PITPNM1: variants seen among roughly 807,000 people sequenced by gnomAD.
PITPNM1 encodes the protein membrane-associated phosphatidylinositol transfer protein 1.
A neutral mutation model predicts 133.3 loss-of-function variants in PITPNM1; 74 were observed. That is an observed-to-expected ratio of 0.56 (90% CI 0.46 to 0.67). PITPNM1 has a LOEUF of 0.67. Ranked by LOEUF, PITPNM1 falls within the 30% of genes least tolerant of loss-of-function variation. The pLI is 0.00. For missense variants in PITPNM1, 1,398 were observed against 1,739.5 expected, an observed-to-expected ratio of 0.80 and a Z score of 3.49; for synonymous variants, 738 against 741.4, an observed-to-expected ratio of 1.00 and a Z score of 0.08.
Position 67,502,798 on chromosome 11 carries a change from C to T in PITPNM1, c.79-80G>A. On this transcript the variant is annotated intron_variant, in intron 2 of 23. Coordinates refer to ENST00000356404, the MANE Select transcript of PITPNM1 (RefSeq NM_004910.3). The surrounding 1 kb of genome is among the most constrained non-coding windows in gnomAD (Gnocchi z 5.9). ...ATCCCCAGCTCAGCCTGGTGTTCTA[C>T]ACAGCTCTGGGGCCCTGGTCCCAGC... 2 of 1,425,822 alleles carry T rather than the reference C, an allele frequency of 1.4e-6. 1 individual carries two copies. The highest frequency in any genetic ancestry group is 2.0e-6 in the Non-Finnish European group (2 of 1,024,732). 88.3% of individuals were successfully genotyped at this position (1,425,822 alleles called of 1,614,324 possible).
chr11:67,500,366 C>T lies in PITPNM1; in HGVS notation c.696G>A (p.Glu232=), dbSNP rs769896000. ...AHRQAWCWQD[E]WTELSMADIR... The stretch of plus-strand genomic sequence containing the variant: ...TGTCAGCCATGCTCAGCTCTGTCCA[C>T]TCATCCTGCCAGCACCAGGCCTGGC... Residue 232 remains glutamate (E), a synonymous_variant, in exon 6 of 24, where the codon GAG becomes GAA. Transcript: ENST00000356404. 4.3e-6 allele frequency: 7 copies of T among 1,612,144 alleles called. No individual in the cohort carries two copies. In the South Asian group the frequency reaches 7.7e-5, roughly 18 times the overall value.
chr11:67,500,580 G>A (rs1476029626), intron 5 of PITPNM1, among the ~76,000 whole-genome samples, 159 bp from the exon 6 acceptor site: 9 of 152,186 alleles, frequency 5.9e-5, no homozygotes, highest in Admixed American at 5.2e-4. Context: ...AATGGGAGTG[G>A]AAAGTGGGGC....
At position 67,502,510 on chromosome 11, in the gene PITPNM1, C is replaced by T. The variant is rs745443627; in HGVS notation, c.287G>A (p.Arg96Gln). Residue 96 changes from arginine (R) to glutamine (Q), a missense_variant, in exon 3 of 24, where the codon CGA becomes CAA. Transcript: ENST00000356404. This position sits in a 1 kb window ranked among gnomAD's most constrained non-coding sequence, Gnocchi z 5.9. ...EESWNAYPYTRTRYTCPFVEK... is the reference protein window; with the variant it reads ...EESWNAYPYTQTRYTCPFVEK... ...GCCCAGCTCACCCACTCACCGGGTTCGGGTGTAGGGGTAGGCATTCCAGGA... is the reference window on the plus strand; with the variant it reads ...GCCCAGCTCACCCACTCACCGGGTTTGGGTGTAGGGGTAGGCATTCCAGGA... 3.7e-6 allele frequency: 6 copies of T among 1,613,734 alleles called. No homozygotes were observed. The highest frequency in any genetic ancestry group is 4.2e-6 in the Non-Finnish European group (5 of 1,180,006).
In PITPNM1 at chr11:67,492,911, C is replaced by T. The variant is rs1280432915; in HGVS notation, c.3471+23G>A. 7 of 1,608,298 alleles carry T rather than the reference C, an allele frequency of 4.4e-6. No individual in the cohort carries two copies. In the African/African-American group the frequency reaches 8.0e-5, roughly 18 times the overall value. On this transcript the variant is annotated intron_variant, in intron 23 of 23. Coordinates refer to ENST00000356404, the MANE Select transcript of PITPNM1 (RefSeq NM_004910.3). Reference sequence around the variant, plus strand: ...CCCTGCCCCCTGGTGGGGTCCTGTTCCTGGCCTTCACTTGGGCCTCACCTG... The same window carrying T: ...CCCTGCCCCCTGGTGGGGTCCTGTTTCTGGCCTTCACTTGGGCCTCACCTG...
chr11:67,494,202 A>G (rs1255689052), intron 19 of PITPNM1, 42 bp downstream of exon 19: 1 of 1,587,248 alleles, frequency 6.3e-7, no homozygotes, highest in African/African-American at 1.3e-5. Context: ...AGGACAGGAG[A>G]TGGGGCCATG....
chr11:67,494,783 G>T, intron 18 of PITPNM1, 63 bp downstream of exon 18: 1 of 433,614 alleles, frequency 2.3e-6, no homozygotes, highest in Non-Finnish European at 3.8e-6. Context: ...GAGGGGCGGG[G>T]CCTCTCTGGT....
intron 23 of PITPNM1, among the ~76,000 whole-genome samples, 168 bp downstream of exon 23, chr11:67,492,766 G>T (rs1865973092): frequency 3.3e-5 from 5 of 152,258 alleles, no homozygotes. Context: ...TTGCCTGGCA[G>T]CTGGCAGCTC....
Position 67,498,323 on chromosome 11 carries a change from C to G in PITPNM1, c.1485-1G>C. 6.4e-7 allele frequency: 1 copy of G among 1,563,802 alleles called. No individual in the cohort carries two copies. Among genetic ancestry groups the G allele is most frequent in the Non-Finnish European group, 8.7e-7 (1 of 1,153,372 alleles). On this transcript the variant is annotated splice_acceptor_variant, in intron 10 of 23. Transcript: ENST00000356404. LOFTEE classifies it high-confidence loss of function. The surrounding 1 kb of genome is among the most constrained non-coding windows in gnomAD (Gnocchi z 5.7). ...CCCATCGTGGCTGTAAGGGCTCAGG[C>G]TGTAGGAGGGGGAAATGTGCGTGGG... is the stretch of plus-strand genomic sequence containing the variant.
Position 67,502,350 on chromosome 11 carries a change from C to G in PITPNM1, c.357G>C (p.Gly119=), listed in dbSNP as rs779121237. ...IEIETYYLPD[G]GQQPNVFNLS... ...GGTTGAAGACGTTTGGCTGCTGCCC[C>G]CCATCAGGCAGGTAATAGGTCTCAA... The change falls in exon 4 of 24, where the codon GGG becomes GGC. Residue 119 remains glycine, a synonymous_variant. Transcript: ENST00000356404. The surrounding 1 kb of genome is among the most constrained non-coding windows in gnomAD (Gnocchi z 5.9). 6.2e-7 allele frequency: 1 copy of G among 1,613,752 alleles called. No individual in the cohort carries two copies. The highest frequency in any genetic ancestry group is 8.5e-7 in the Non-Finnish European group (1 of 1,180,016).
At position 67,504,993 on chromosome 11, in the gene PITPNM1, G is replaced by A. The variant is rs1333228319; in HGVS notation, c.-42+195C>T. On this transcript the variant is annotated intron_variant, in intron 1 of 23. Transcript: ENST00000356404. The surrounding 1 kb of genome is among the most constrained non-coding windows in gnomAD (Gnocchi z 5.4). ...AGAGTGGCTCCACTTGGTATCCCAC[G>A]GGCCATGGCCCTGGAGACCCGCTCC... 2 of 152,306 alleles carry A rather than the reference G, an allele frequency of 1.3e-5. No individual in the cohort carries two copies. The highest frequency in any genetic ancestry group is 2.9e-5 in the Non-Finnish European group (2 of 68,146). The allele number at this position is 152,306 out of a possible 1,614,324, so 9.4% of individuals were successfully genotyped here. A position where few individuals can be genotyped will look rare whatever the true frequency, so the allele number is the denominator to read the frequency against.
chr11:67,497,872 G>T, intron 12 of PITPNM1, 45 bp downstream of exon 12: 1 of 1,571,724 alleles, frequency 6.4e-7, no homozygotes. Context: ...TAGAGCCAGA[G>T]AGGGCCTTTC....
In PITPNM1 at chr11:67,494,940, C is replaced by A. The variant is rs144939807; in HGVS notation, c.2648G>T (p.Arg883Leu). The stretch of plus-strand genomic sequence containing the variant: ...CTCCTCGCATTCCGCCAGCTGTGGC[C>A]GCTCCTTCTCGATCACCTGCACGGG... ...FILRQVIEKERPQLAECEEPS... is the reference protein window; with the variant it reads ...FILRQVIEKELPQLAECEEPS... The change falls in exon 18 of 24, where the codon CGG (arginine) becomes CTG (leucine). Residue 883 changes from arginine (R) to leucine (L), a missense_variant. Arg to Leu is a moderately radical substitution (Grantham distance 102). Coordinates refer to ENST00000356404, the MANE Select transcript of PITPNM1 (RefSeq NM_004910.3). 5 of 1,612,648 alleles carry A rather than the reference C, an allele frequency of 3.1e-6. No individual in the cohort carries two copies. The highest frequency in any genetic ancestry group is 3.4e-6 in the Non-Finnish European group (4 of 1,179,766).
intron 12 of PITPNM1, 68 bp from the exon 13 acceptor site, chr11:67,497,747 T>G (rs1866176263): frequency 6.3e-7 from 1 of 1,583,652 alleles, no homozygotes. Flanking sequence ...TACTTAGAAG[T>G]GAGGAGCGAG....
In PITPNM1 at chr11:67,503,101, G is replaced by A. The variant is rs114866985; in HGVS notation, c.79-383C>T. On this transcript the variant is annotated intron_variant, in intron 2 of 23. Coordinates refer to ENST00000356404, the MANE Select transcript of PITPNM1 (RefSeq NM_004910.3). The stretch of plus-strand genomic sequence containing the variant: ...CAAATTATGTGGTGTGTTAGAAGGC[G>A]CTAGGTGCTATAGGAAAAGAAAGCC... Among the ~76,000 whole-genome samples, 1,476 of 152,364 alleles carry A rather than the reference G, an allele frequency of 9.7e-3. 22 individuals are homozygous for A. Among genetic ancestry groups the A allele is most frequent in the African/African-American group, 0.033 (1,384 of 41,586 alleles).
chr11:67,497,136 T>C, intron 14 of PITPNM1, 95 bp downstream of exon 14: 1 of 1,038,908 alleles, frequency 9.6e-7, no homozygotes, highest in South Asian at 1.8e-5. Flanking sequence ...AGTGGGGAAG[T>C]TGCTCATGCC....
At position 67,493,602 on chromosome 11, in the gene PITPNM1, C is replaced by CG; in HGVS notation, c.3159-10dup. 2 of 1,544,512 alleles carry CG rather than the reference C, an allele frequency of 1.3e-6. No individual in the cohort carries two copies. The highest frequency in any genetic ancestry group is 1.7e-6 in the Non-Finnish European group (2 of 1,143,604). On this transcript the variant is annotated splice_polypyrimidine_tract_variant and intron_variant, in intron 21 of 23. Coordinates refer to ENST00000356404, the MANE Select transcript of PITPNM1 (RefSeq NM_004910.3). ...CGGAGTCCTGCCAGTGCCTGTGGGG[C>CG]GGGGGCAGCGGTCAGCTCCGCTGGC...
At chr11:67,505,679 ACT>A (rs1430507302), upstream of PITPNM1, among the ~76,000 whole-genome samples, 1 of 150,918 alleles carries the variant, frequency 6.6e-6, no homozygotes, top group Non-Finnish European at 1.5e-5. The surrounding 1 kb of genome is among the most constrained non-coding windows in gnomAD (Gnocchi z 5.8). Context: ...TCCTCTTCTC[ACT>A]CTCTGCAGTC....
At chr11:67,492,428 C>A in intron 23 of PITPNM1, 132 bp from the exon 24 acceptor site, 1 of 923,768 alleles carries the variant, frequency 1.1e-6, no homozygotes, top group South Asian at 1.8e-5. Context: ...GAGCTGAAGC[C>A]TTCTCAATAG....
At position 67,502,654 on chromosome 11, in the gene PITPNM1, T is replaced by C; in HGVS notation, c.143A>G (p.Tyr48Cys). Reference protein sequence around the residue: ...SGVEILANRPYTDGPGGSGQY... With the variant: ...SGVEILANRPCTDGPGGSGQY... ...CCCGCTGCCCCCGGGCCCATCCGTGTAGGGCCGGTTGGCCAGGATCTCCAC... is the reference window on the plus strand; with the variant it reads ...CCCGCTGCCCCCGGGCCCATCCGTGCAGGGCCGGTTGGCCAGGATCTCCAC... The change falls in exon 3 of 24, where the codon TAC (tyrosine) becomes TGC (cysteine). Residue 48 changes from tyrosine (Y) to cysteine (C), a missense_variant. Tyr to Cys is a radical substitution (Grantham distance 194). Transcript: ENST00000356404. The surrounding 1 kb of genome is among the most constrained non-coding windows in gnomAD (Gnocchi z 5.9). 1 of 1,613,518 alleles carries C rather than the reference T, an allele frequency of 6.2e-7. No individual in the cohort carries two copies.
Sources: gnomAD v4.1 joint callset for allele counts (sites outside exome capture counted in the v4.1 genomes callset) on GRCh38, gnomAD v4.1.1 for gene constraint, Gnocchi (gnomAD v3.1) non-coding constraint, MANE v1.5 for transcripts, NCBI Gene and HGNC (gene_info 2026-07-23, HGNC 2026-07-21) for gene names.